DLG5: variants seen among roughly 807,000 people sequenced by gnomAD.
DLG5 encodes the protein disks large homolog 5.
DLG5 carries 48 observed loss-of-function variants against 189.8 expected under a neutral mutation model. The ratio of observed to expected loss-of-function variants is 0.25; its 90% CI spans 0.20 to 0.32. The LOEUF (loss-of-function observed/expected upper bound fraction) is 0.32. Among genes scored for constraint, DLG5 ranks in the 10% least tolerant of loss-of-function variants. The pLI is 1.00. For missense variants in DLG5, 2,160 were observed against 2,544.7 expected (o/e 0.85, Z 3.25); for synonymous variants, 1,016 against 1,054.1 (o/e 0.96, Z 0.70).
chr10:77,875,876 G>T (rs1248714951), intron 1 of DLG5, among the ~76,000 whole-genome samples: 2 of 151,636 alleles, frequency 1.3e-5, no homozygotes, highest in African/African-American at 4.8e-5. Context: ...CTAGGGGCTC[G>T]GCCTCCTACC....
chr10:77,923,235 C>A (rs1348914270), intron 1 of DLG5, among the ~76,000 whole-genome samples: 2 of 152,208 alleles, frequency 1.3e-5, no homozygotes, highest in African/African-American at 4.8e-5. Context: ...CAATTCAAAC[C>A]CAGAGCTGCT....
chr10:77,828,605 T>C (rs938118410), intron 13 of DLG5, among the ~76,000 whole-genome samples: 17 of 151,592 alleles, frequency 1.1e-4, no homozygotes, highest in Admixed American at 2.6e-4. Flanking sequence ...ATTGCGTCAC[T>C]GCACTCCAGC....
At chr10:77,936,458 A>C in the DLG5 span, among the ~76,000 whole-genome samples, 495 of 142,970 alleles carry the variant, frequency 3.5e-3, 2 homozygotes, top group South Asian at 0.019. Flanking sequence ...AAAAAAAAAA[A>C]AAAAAAAAAG....
intron 1 of DLG5, among the ~76,000 whole-genome samples, chr10:77,921,204 T>C (rs1341490035): frequency 6.6e-6 from 1 of 151,874 alleles, no homozygotes; most frequent in Non-Finnish European, 1.5e-5. Flanking sequence ...AATAAGTAAA[T>C]AAACAAACAA....
chr10:77,797,805 G>A (rs1173308673), intron 27 of DLG5, among the ~76,000 whole-genome samples: 4 of 152,208 alleles, frequency 2.6e-5, no homozygotes, highest in Non-Finnish European at 5.9e-5. Context: ...GCAGCAGCAG[G>A]CTCCATGAAG....
At chr10:77,864,159 G>A (rs1366604028) in intron 2 of DLG5, among the ~76,000 whole-genome samples, 1 of 152,042 alleles carries the variant, frequency 6.6e-6, no homozygotes, top group Non-Finnish European at 1.5e-5. Flanking sequence ...CAGCTGGGTG[G>A]ATTTCTCAGC....
At chr10:77,930,079 G>A (rs759120498), upstream of DLG5, among the ~76,000 whole-genome samples, 8 of 152,104 alleles carry the variant, frequency 5.3e-5, no homozygotes, top group Non-Finnish European at 1.0e-4. Flanking sequence ...CCATGCTCTG[G>A]ATATAATCTG....
At chr10:77,938,191 C>T in the DLG5 span, among the ~76,000 whole-genome samples, 1 of 151,968 alleles carries the variant, frequency 6.6e-6, no homozygotes, top group Non-Finnish European at 1.5e-5. Context: ...TGCCTGTAAT[C>T]GCAACACTTT....
intron 1 of DLG5, among the ~76,000 whole-genome samples, chr10:77,922,169 C>A (rs748542166): frequency 2.6e-5 from 4 of 152,152 alleles, no homozygotes; most frequent in African/African-American, 4.8e-5. Context: ...TACACCCCAG[C>A]CCCACCTGGG....
intron 26 of DLG5, 48 bp from the exon 27 acceptor site, chr10:77,805,909 CCCTGCCCTT>C (rs772792300): frequency 5.5e-5 from 85 of 1,540,412 alleles, no homozygotes; most frequent in East Asian, 3.0e-4. Context: ...GACCCTGCTG[CCCTGCCCTT>C]CCTGCCCTTC....
intron 1 of DLG5, among the ~76,000 whole-genome samples, chr10:77,918,350 T>C (rs1208244251): frequency 6.6e-6 from 1 of 151,936 alleles, no homozygotes; most frequent in East Asian, 1.9e-4. Flanking sequence ...GAGGCGAAGG[T>C]TGCATGAGCC....
chr10:77,844,871 G>C (rs977464610), intron 5 of DLG5, among the ~76,000 whole-genome samples: 2 of 152,206 alleles, frequency 1.3e-5, no homozygotes, highest in Non-Finnish European at 2.9e-5. Context: ...TGGGCAGAGA[G>C]GGGGGCAGGG....
chr10:77,916,321 G>A (rs1359274985), intron 1 of DLG5, among the ~76,000 whole-genome samples: 4 of 151,702 alleles, frequency 2.6e-5, no homozygotes, highest in East Asian at 1.9e-4. Context: ...ACAGAGTTTC[G>A]CTCTTGTTGC....
At chr10:77,826,219 CA>C (rs1044174797) in intron 13 of DLG5, among the ~76,000 whole-genome samples, 3 of 152,178 alleles carry the variant, frequency 2.0e-5, no homozygotes, top group African/African-American at 7.2e-5. Context: ...CAGCACGACA[CA>C]GATGTAAGTA....
chr10:77,802,209 T>C (rs1198921826), intron 27 of DLG5, among the ~76,000 whole-genome samples: 1 of 152,166 alleles, frequency 6.6e-6, no homozygotes, highest in African/African-American at 2.4e-5. Context: ...CCTGTGTGTT[T>C]GAAGCCACAC....
intron 1 of DLG5, among the ~76,000 whole-genome samples, chr10:77,872,996 G>A (rs1159218084): frequency 6.9e-6 from 1 of 144,982 alleles, no homozygotes. Context: ...AAGGGGGACT[G>A]TAGGATCAGC....
chr10:77,837,984 G>A (rs567716611), intron 7 of DLG5, among the ~76,000 whole-genome samples: 1 of 152,296 alleles, frequency 6.6e-6, no homozygotes, highest in East Asian at 1.9e-4. Flanking sequence ...GCCCGAGTGT[G>A]GAGTGGTGCC....
chr10:77,922,343 T>A (rs1468551614), intron 1 of DLG5, among the ~76,000 whole-genome samples: 1 of 152,100 alleles, frequency 6.6e-6, no homozygotes, highest in Non-Finnish European at 1.5e-5. Context: ...AACAAAGGAC[T>A]GCATGGGGCT....
chr10:77,835,360 C>A (rs907156604), intron 8 of DLG5, among the ~76,000 whole-genome samples: 54 of 152,204 alleles, frequency 3.5e-4, no homozygotes, highest in African/African-American at 1.3e-3. Flanking sequence ...GGTCTCCTTG[C>A]TCCAGAGATC....
Sources: gnomAD v4.1 joint callset for allele counts (sites outside exome capture counted in the v4.1 genomes callset) on GRCh38, gnomAD v4.1.1 for gene constraint, MANE v1.5 for transcripts, NCBI Gene and HGNC (gene_info 2026-07-23, HGNC 2026-07-21) for gene names.